The following NEBL variants were observed in gnomAD, a reference collection of about 807,000 sequenced individuals.
The protein encoded by NEBL is nebulette.
A neutral mutation model predicts 140.2 loss-of-function variants in NEBL; 122 were observed. The ratio of observed to expected loss-of-function variants is 0.87; its 90% confidence interval spans 0.75 to 1.01. The LOEUF (loss-of-function observed/expected upper bound fraction) is 1.01, where lower values mean the gene tolerates loss of function less well. Among genes scored for constraint, NEBL ranks in the 50% least tolerant of loss-of-function variants. NEBL has a pLI of 0.00. For missense variants in NEBL, 1,365 were observed against 1,231.3 expected, an observed-to-expected ratio of 1.11 and a Z score of -1.62; for synonymous variants, 436 against 398.9, an observed-to-expected ratio of 1.09 and a Z score of -1.11.
chr10:21,232,632 C>A (rs547442090), intron 3 of NEBL, among the ~76,000 whole-genome samples: 7 of 152,118 alleles, frequency 4.6e-5, no homozygotes, highest in Admixed American at 2.6e-4. Flanking sequence ...ATAGGGTTTG[C>A]GCTTCTATGA....
chr10:21,241,245 A>AAAATAAATAAAT (rs372654187), intron 3 of NEBL, among the ~76,000 whole-genome samples: 110 of 146,500 alleles, frequency 7.5e-4, no homozygotes, highest in South Asian at 1.6e-3. Flanking sequence ...CGATGCCAGC[A>AAAATAAATAAAT]AAATAAATAA....
intron 4 of NEBL, among the ~76,000 whole-genome samples, chr10:20,884,828 G>A (rs1846344898): frequency 6.6e-6 from 1 of 152,234 alleles, no homozygotes; most frequent in Non-Finnish European, 1.5e-5. Flanking sequence ...CTAATGAGAA[G>A]GATCTCGCCA....
intron 4 of NEBL, among the ~76,000 whole-genome samples, chr10:20,911,599 G>C (rs1033982850): frequency 6.6e-6 from 1 of 152,122 alleles, no homozygotes; most frequent in African/African-American, 2.4e-5. Flanking sequence ...TCATAGTCTA[G>C]TTTTAAAACT....
intron 2 of NEBL, among the ~76,000 whole-genome samples, chr10:21,083,517 A>T (rs1291470362): frequency 1.3e-5 from 2 of 152,096 alleles, no homozygotes; most frequent in African/African-American, 4.8e-5. Flanking sequence ...CACTGCAGTC[A>T]CTTAGCTAAG....
intron 4 of NEBL, among the ~76,000 whole-genome samples, chr10:20,942,580 T>C (rs1309775785): frequency 1.3e-5 from 2 of 152,154 alleles, no homozygotes; most frequent in African/African-American, 4.8e-5. Flanking sequence ...AAAGCCAAAA[T>C]TGGCAAATGG....
intron 2 of NEBL, among the ~76,000 whole-genome samples, chr10:21,132,564 T>C (rs953590999): frequency 3.9e-5 from 6 of 152,228 alleles, no homozygotes; most frequent in Non-Finnish European, 4.4e-5. Context: ...AATGCTAGGC[T>C]ATTTTCTAAA....
At chr10:21,278,677 C>A (rs1206293354) in intron 1 of NEBL, among the ~76,000 whole-genome samples, 1 of 152,166 alleles carries the variant, frequency 6.6e-6, no homozygotes, top group Non-Finnish European at 1.5e-5. Flanking sequence ...AAGAAGAATG[C>A]AGAAAGGAAG....
chr10:21,044,940 G>C (rs1834443656), intron 2 of NEBL, among the ~76,000 whole-genome samples: 1 of 152,162 alleles, frequency 6.6e-6, no homozygotes, highest in Non-Finnish European at 1.5e-5. Context: ...TTAACTGAAA[G>C]AATGATACAA....
At chr10:21,061,999 C>T (rs1007655808) in intron 2 of NEBL, among the ~76,000 whole-genome samples, 1 of 152,122 alleles carries the variant, frequency 6.6e-6, no homozygotes, top group Admixed American at 6.5e-5. Flanking sequence ...TCCTACTGCC[C>T]AACACGCACA....
chr10:20,869,275 A>G (rs1484437490), intron 6 of NEBL, among the ~76,000 whole-genome samples: 4 of 152,194 alleles, frequency 2.6e-5, no homozygotes, highest in Non-Finnish European at 4.4e-5. Flanking sequence ...GGTATTAACT[A>G]AAGCGGGCAC....
chr10:21,160,919 A>T (rs926846434), intron 2 of NEBL, among the ~76,000 whole-genome samples: 1 of 152,092 alleles, frequency 6.6e-6, no homozygotes, highest in South Asian at 2.1e-4. Context: ...TGATGTCTCA[A>T]ACACATGGTT....
At chr10:20,898,463 C>T (rs1207990947), upstream of NEBL, among the ~76,000 whole-genome samples, 1 of 151,892 alleles carries the variant, frequency 6.6e-6, no homozygotes, top group African/African-American at 2.4e-5. Context: ...ATGCCTTGGC[C>T]TTACCTAAAC....
At chr10:21,159,992 C>T (rs1218967953) in intron 2 of NEBL, among the ~76,000 whole-genome samples, 1 of 152,150 alleles carries the variant, frequency 6.6e-6, no homozygotes, top group African/African-American at 2.4e-5. Context: ...CCTGTTTTCT[C>T]CTGCTAGGGA....
chr10:20,918,590 C>T (rs2131491247), intron 4 of NEBL, among the ~76,000 whole-genome samples: 1 of 152,080 alleles, frequency 6.6e-6, no homozygotes, highest in South Asian at 2.1e-4. Flanking sequence ...CTGGCTCATG[C>T]CTGTAATCCC....
intron 2 of NEBL, among the ~76,000 whole-genome samples, chr10:21,085,548 T>G (rs941183513): frequency 6.6e-6 from 1 of 152,110 alleles, no homozygotes; most frequent in Non-Finnish European, 1.5e-5. Context: ...GGCTGGAGGA[T>G]CATTTGAGCC....
At chr10:21,140,903 A>G (rs1270929441) in intron 2 of NEBL, among the ~76,000 whole-genome samples, 4 of 152,076 alleles carry the variant, frequency 2.6e-5, no homozygotes, top group African/African-American at 9.7e-5. Flanking sequence ...GCGCATGTAT[A>G]CCTAGGTAAC....
chr10:21,094,326 C>A (rs908795325), intron 2 of NEBL, among the ~76,000 whole-genome samples: 8 of 151,822 alleles, frequency 5.3e-5, no homozygotes, highest in African/African-American at 1.9e-4. Context: ...TACGGTGAAA[C>A]CCCGTCTCTA....
At chr10:21,124,613 T>C (rs45601832) in intron 2 of NEBL, among the ~76,000 whole-genome samples, 41 of 151,456 alleles carry the variant, frequency 2.7e-4, no homozygotes, top group Middle Eastern at 3.4e-3. Context: ...GAATGTAGAG[T>C]TTGGAAAAGA....
intron 2 of NEBL, among the ~76,000 whole-genome samples, chr10:21,251,066 G>A (rs947935852): frequency 6.6e-6 from 1 of 151,972 alleles, no homozygotes; most frequent in Admixed American, 6.6e-5. Flanking sequence ...TAGTTATTTA[G>A]TATAATCATT....
Sources: gnomAD v4.1 joint callset for allele counts (sites outside exome capture counted in the v4.1 genomes callset) on GRCh38, gnomAD v4.1.1 for gene constraint, MANE v1.5 for transcripts, NCBI Gene and HGNC (gene_info 2026-07-23, HGNC 2026-07-21) for gene names.